The following SLC24A2 variants were observed in gnomAD, a reference collection of about 807,000 sequenced individuals.
SLC24A2 encodes sodium/potassium/calcium exchanger 2.
In SLC24A2, 36 loss-of-function variants were observed where a neutral mutation model predicts 62.0. The observed-to-expected ratio is 0.58, with a 90% CI of 0.44 to 0.77. The LOEUF is 0.77. Ranked by LOEUF, SLC24A2 falls within the 30% of genes least tolerant of loss-of-function variation. The pLI, the probability that SLC24A2 is intolerant of heterozygous loss-of-function variation, is 0.00. For synonymous variants in SLC24A2, 358 were observed against 294.0 expected (o/e 1.22, Z -2.23); for missense variants, 846 against 817.9 (o/e 1.03, Z -0.42).
chr9:20,019,217 AAGAC>A, the SLC24A2 span, among the ~76,000 whole-genome samples: 9 of 131,884 alleles, frequency 6.8e-5, no homozygotes, highest in Admixed American at 1.9e-4. Flanking sequence ...GAAAGAAAGA[AAGAC>A]AGAAAGAAAG....
At chr9:20,188,303 C>T in the SLC24A2 span, among the ~76,000 whole-genome samples, 2 of 152,156 alleles carry the variant, frequency 1.3e-5, no homozygotes, top group East Asian at 1.9e-4. Context: ...TTCCTTAGCT[C>T]ACTTTCTGAG....
the SLC24A2 span, among the ~76,000 whole-genome samples, chr9:20,064,963 G>A: frequency 6.6e-6 from 1 of 152,156 alleles, no homozygotes; most frequent in Non-Finnish European, 1.5e-5. Context: ...GGACAGGCAG[G>A]TGAAAGTGAG....
the SLC24A2 span, among the ~76,000 whole-genome samples, chr9:19,908,399 C>T: frequency 6.6e-6 from 1 of 152,048 alleles, no homozygotes; most frequent in South Asian, 2.1e-4. Flanking sequence ...AAAACCTAGG[C>T]AATACCATTC....
At chr9:20,097,720 A>ATTTTTTTTTTTT in the SLC24A2 span, among the ~76,000 whole-genome samples, 43 of 69,112 alleles carry the variant, frequency 6.2e-4, 2 homozygotes, top group East Asian at 3.3e-3. Context: ...ATCTTAAATA[A>ATTTTTTTTTTTT]TTTTTTTTTT....
At chr9:19,579,054 C>T (rs924610638) in intron 5 of SLC24A2, among the ~76,000 whole-genome samples, 8 of 152,176 alleles carry the variant, frequency 5.3e-5, no homozygotes, top group East Asian at 1.9e-4. Context: ...GTGATAGGCA[C>T]GACTCCATCC....
At position 19,512,039 on chromosome 9, in the gene SLC24A2, A is replaced by C. The variant is rs560458772; in HGVS notation, c.*4114T>G. ...GCTCTATCTGGCCAGCCACTCTACC[A>C]GGTGTCTTTTCTTTGGTCAACTTTT... On this transcript the variant is annotated 3_prime_UTR_variant, in exon 11 of 11. Coordinates refer to ENST00000341998, the MANE Select transcript of SLC24A2 (RefSeq NM_020344.4). 1.6e-4 allele frequency: 24 copies of C among 152,458 alleles called. No individual in the cohort carries two copies. Among genetic ancestry groups the C allele is most frequent in the African/African-American group, 5.8e-4 (24 of 41,586 alleles). 9.4% of individuals were successfully genotyped at this position (152,458 alleles called of 1,614,324 possible). A position where few individuals can be genotyped will look rare whatever the true frequency, so the allele number is the denominator to read the frequency against.
chr9:19,517,084 T>G (rs959753673), intron 10 of SLC24A2, among the ~76,000 whole-genome samples: 12 of 152,250 alleles, frequency 7.9e-5, no homozygotes, highest in African/African-American at 2.9e-4. Context: ...TTCTCCCTTT[T>G]CATTCACCTT....
chr9:19,759,695 T>C (rs1822256467), intron 2 of SLC24A2, among the ~76,000 whole-genome samples: 1 of 152,196 alleles, frequency 6.6e-6, no homozygotes, highest in Non-Finnish European at 1.5e-5. Flanking sequence ...TATCTATTAT[T>C]TGCCAGGCAC....
At chr9:19,845,264 T>G in the SLC24A2 span, among the ~76,000 whole-genome samples, 12 of 152,122 alleles carry the variant, frequency 7.9e-5, no homozygotes, top group African/African-American at 2.9e-4. Context: ...GTATTTAATT[T>G]ATTTTTGTGG....
the SLC24A2 span, among the ~76,000 whole-genome samples, chr9:19,835,147 C>T: frequency 6.6e-6 from 1 of 152,286 alleles, no homozygotes; most frequent in African/African-American, 2.4e-5. Flanking sequence ...ACCATCAAGG[C>T]TAGGAAGAAA....
chr9:20,190,120 C>T, the SLC24A2 span, among the ~76,000 whole-genome samples: 2 of 152,192 alleles, frequency 1.3e-5, no homozygotes, highest in Admixed American at 6.5e-5. Context: ...GAACCCGCAA[C>T]ACTCCCTGCA....
the SLC24A2 span, among the ~76,000 whole-genome samples, chr9:19,935,758 G>C: frequency 6.6e-6 from 1 of 152,144 alleles, no homozygotes; most frequent in African/African-American, 2.4e-5. Context: ...CCTAGTGTGA[G>C]GAACTCATAG....
At position 19,512,942 on chromosome 9, in the gene SLC24A2, G is replaced by C. The variant is rs1393670712; in HGVS notation, c.*3211C>G. The C allele has an allele frequency of 2.0e-5, 3 of 151,676 alleles. No homozygotes were observed. The highest frequency in any genetic ancestry group is 4.4e-5 in the Non-Finnish European group (3 of 67,970). The allele number at this position is 151,676 out of a possible 1,614,324, so 9.4% of individuals were successfully genotyped here. A position where few individuals can be genotyped will look rare whatever the true frequency, so the allele number is the denominator to read the frequency against. On this transcript the variant is annotated 3_prime_UTR_variant, in exon 11 of 11. Coordinates refer to ENST00000341998, the MANE Select transcript of SLC24A2 (RefSeq NM_020344.4). Reference sequence around the variant, plus strand: ...ATATTCTTAGGGTGGGAAAATATGGGTACATATGTGTATATTTGTAAATAT... The same window carrying C: ...ATATTCTTAGGGTGGGAAAATATGGCTACATATGTGTATATTTGTAAATAT...
intron 8 of SLC24A2, among the ~76,000 whole-genome samples, chr9:19,543,093 C>A (rs1363452834): frequency 6.6e-6 from 1 of 152,156 alleles, no homozygotes; most frequent in Non-Finnish European, 1.5e-5. Context: ...TTAATTACTG[C>A]CTCAATTTCA....
chr9:19,763,740 T>C (rs923811257), intron 2 of SLC24A2, among the ~76,000 whole-genome samples: 3 of 152,204 alleles, frequency 2.0e-5, no homozygotes, highest in African/African-American at 7.2e-5. Flanking sequence ...ATTTTCATAT[T>C]GATGTTCATC....
At chr9:20,268,238 G>A in the SLC24A2 span, among the ~76,000 whole-genome samples, 1 of 152,120 alleles carries the variant, frequency 6.6e-6, no homozygotes, top group African/African-American at 2.4e-5. Flanking sequence ...AGAGGAGAGG[G>A]CGCTCCCTCA....
chr9:19,654,485 G>A lies in SLC24A2; in HGVS notation c.931-32186C>T, dbSNP rs188846018. ...GCACCACTTCTCTGCCCATTCGATT[G>A]CTCCATTGTGGAATCTGGAGGTTCT... On this transcript the variant is annotated intron_variant, in intron 2 of 10. Transcript: ENST00000341998. 1.2e-4 allele frequency among the ~76,000 whole-genome samples: 18 copies of A among 152,226 alleles called. No individual in the cohort carries two copies. In the South Asian group the frequency reaches 1.9e-3, roughly 16 times the overall value.
intron 2 of SLC24A2, among the ~76,000 whole-genome samples, chr9:19,721,063 C>CTTCT (rs1821012550): frequency 6.6e-6 from 1 of 152,116 alleles, no homozygotes. Flanking sequence ...ATAAGTTTAA[C>CTTCT]TCTATGGTAA....
the SLC24A2 span, among the ~76,000 whole-genome samples, chr9:20,011,280 T>C: frequency 6.6e-6 from 1 of 152,198 alleles, no homozygotes; most frequent in African/African-American, 2.4e-5. Context: ...TGTTGTTTCC[T>C]GATTTTTTAA....
Sources: gnomAD v4.1 joint callset for allele counts (sites outside exome capture counted in the v4.1 genomes callset) on GRCh38, gnomAD v4.1.1 for gene constraint, MANE v1.5 for transcripts, NCBI Gene and HGNC (gene_info 2026-07-23, HGNC 2026-07-21) for gene names.